Variants in AGMO observed in about 807,000 individuals in gnomAD.
AGMO encodes glyceryl-ether monooxygenase.
In AGMO, 75 loss-of-function variants were observed where a neutral mutation model predicts 60.2. The ratio of observed to expected loss-of-function variants is 1.25; its 90% CI spans 1.03 to 1.51. The LOEUF is 1.51. Ranked by LOEUF, AGMO falls within the 40% of genes most tolerant of loss-of-function variation. AGMO has a pLI of 0.00. For synonymous variants in AGMO, 261 were observed against 177.1 expected (o/e 1.47, Z -3.76); for missense variants, 763 against 525.5 (o/e 1.45, Z -4.42).
At chr7:15,477,524 A>G (rs533943392) in intron 3 of AGMO, among the ~76,000 whole-genome samples, 1 of 152,226 alleles carries the variant, frequency 6.6e-6, no homozygotes, top group South Asian at 2.1e-4. Context: ...AGAATTTTTA[A>G]AAGTTTCTTA....
At chr7:15,449,069 A>G (rs935380017) in intron 3 of AGMO, among the ~76,000 whole-genome samples, 2 of 152,160 alleles carry the variant, frequency 1.3e-5, no homozygotes, top group African/African-American at 4.8e-5. Flanking sequence ...TCTATGTGAA[A>G]GAAACTACAG....
At chr7:15,386,468 T>C (rs1783918540) in intron 9 of AGMO, among the ~76,000 whole-genome samples, 1 of 152,158 alleles carries the variant, frequency 6.6e-6, no homozygotes, top group South Asian at 2.1e-4. Flanking sequence ...AGCAAACAGC[T>C]TTTTGGAGTT....
At chr7:15,293,874 T>A (rs1036515074) in intron 12 of AGMO, among the ~76,000 whole-genome samples, 8 of 152,194 alleles carry the variant, frequency 5.3e-5, no homozygotes, top group African/African-American at 1.7e-4. Context: ...AAATGTTGTA[T>A]AAAATTTAAA....
chr7:15,560,343 C>A, intron 1 of AGMO, 72 bp from the exon 2 acceptor site: 2 of 1,518,330 alleles, frequency 1.3e-6, no homozygotes, highest in South Asian at 1.2e-5. Flanking sequence ...CCTGATTAGT[C>A]ATTTCAGAAT....
intron 3 of AGMO, among the ~76,000 whole-genome samples, chr7:15,522,779 G>A (rs1784033046): frequency 6.6e-6 from 1 of 152,034 alleles, no homozygotes; most frequent in Non-Finnish European, 1.5e-5. Context: ...TCTGGACATA[G>A]GCATGGGCAA....
chr7:15,450,430 A>G (rs1423796997), intron 3 of AGMO, among the ~76,000 whole-genome samples: 3 of 152,020 alleles, frequency 2.0e-5, no homozygotes, highest in Non-Finnish European at 2.9e-5. Flanking sequence ...AAAAAAAAAA[A>G]AAAGAAAAAA....
intron 12 of AGMO, among the ~76,000 whole-genome samples, chr7:15,340,901 G>A (rs948561156): frequency 6.6e-6 from 1 of 152,236 alleles, no homozygotes; most frequent in Admixed American, 6.5e-5. Flanking sequence ...ACCGCAGAAT[G>A]GTAGATTCAC....
chr7:15,281,399 G>A (rs1343463179), intron 12 of AGMO, among the ~76,000 whole-genome samples: 2 of 152,142 alleles, frequency 1.3e-5, no homozygotes, highest in Non-Finnish European at 2.9e-5. Context: ...ATCTCCACAG[G>A]AGAAGGGCCC....
chr7:15,342,766 T>C (rs962500821), intron 12 of AGMO, among the ~76,000 whole-genome samples: 2 of 102,794 alleles, frequency 1.9e-5, no homozygotes, highest in African/African-American at 7.7e-5. Flanking sequence ...TATGTGGGAG[T>C]ACAGTATAGC....
Position 15,299,869 on chromosome 7 carries a change from ACACACACACACACACAC to A in AGMO, c.1263+65628_1263+65644del, listed in dbSNP as rs1563075541. On this transcript the variant is annotated intron_variant, in intron 12 of 12. Coordinates refer to ENST00000342526, the MANE Select transcript of AGMO (RefSeq NM_001004320.2). ...CACACACACACACACACACACACAC[ACACACACACACACACAC>A]AGTATGTTTTGTGTTCAACATATCC... Among the ~76,000 whole-genome samples the A allele has an allele frequency of 2.0e-3, 303 of 150,910 alleles. 5 individuals are homozygous for A. The highest frequency in any genetic ancestry group is 6.7e-3 in the African/African-American group (276 of 41,002).
At chr7:15,250,492 A>C (rs940448611) in intron 12 of AGMO, among the ~76,000 whole-genome samples, 2 of 152,126 alleles carry the variant, frequency 1.3e-5, no homozygotes, top group Non-Finnish European at 2.9e-5. Flanking sequence ...AATGTGTTAC[A>C]GTAAGGAGAA....
chr7:15,363,983 G>T (rs551961732), intron 12 of AGMO, among the ~76,000 whole-genome samples: 1 of 151,636 alleles, frequency 6.6e-6, no homozygotes, highest in African/African-American at 2.4e-5. Context: ...TATAATTTAT[G>T]ATTATTTTGC....
At chr7:15,390,540 AT>A in intron 8 of AGMO, 130 bp downstream of exon 8, 1 of 555,006 alleles carries the variant, frequency 1.8e-6, no homozygotes. Flanking sequence ...TTATTTGTAA[AT>A]TTTTTAACAG....
chr7:15,233,118 A>T (rs1583313128), intron 12 of AGMO, among the ~76,000 whole-genome samples: 1 of 152,236 alleles, frequency 6.6e-6, no homozygotes, highest in African/African-American at 2.4e-5. Context: ...AAAGGCAAGA[A>T]TTCTAAGAGA....
chr7:15,550,632 C>A (rs1369017663), intron 2 of AGMO, among the ~76,000 whole-genome samples: 4 of 149,292 alleles, frequency 2.7e-5, no homozygotes, highest in Admixed American at 6.7e-5. Context: ...AGTTGAATCT[C>A]TGAATAGACC....
At chr7:15,433,757 TTA>T (rs1781322234) in intron 3 of AGMO, among the ~76,000 whole-genome samples, 1 of 127,970 alleles carries the variant, frequency 7.8e-6, no homozygotes, top group South Asian at 2.5e-4. Flanking sequence ...TATACGAAAA[TTA>T]TAGATTATAT....
intron 3 of AGMO, among the ~76,000 whole-genome samples, chr7:15,484,965 A>T (rs533172004): frequency 1.3e-5 from 2 of 152,226 alleles, no homozygotes; most frequent in Non-Finnish European, 2.9e-5. Context: ...GTTGAGTAGG[A>T]AGAAGTAAAT....
chr7:15,445,972 A>C (rs1781688108), intron 3 of AGMO, among the ~76,000 whole-genome samples: 1 of 152,244 alleles, frequency 6.6e-6, no homozygotes, highest in Non-Finnish European at 1.5e-5. Flanking sequence ...ATTTCCTTGG[A>C]GTACCATTTT....
intron 12 of AGMO, among the ~76,000 whole-genome samples, chr7:15,250,556 A>AACACACACACAC (rs35821350): frequency 6.7e-6 from 1 of 149,360 alleles, no homozygotes; most frequent in Non-Finnish European, 1.5e-5. Context: ...ACACACACTA[A>AACACACACACAC]ACACACACAC....
Sources: allele counts gnomAD v4.1 joint callset (sites outside exome capture counted in the v4.1 genomes callset), GRCh38; gene constraint gnomAD v4.1.1; transcripts MANE v1.5; gene names NCBI Gene and HGNC (gene_info 2026-07-23, HGNC 2026-07-21).